The following MYT1 variants were observed in gnomAD, a reference collection of about 807,000 sequenced individuals.
MYT1 encodes the protein myelin transcription factor I.
A neutral mutation model predicts 123.0 loss-of-function variants in MYT1; 23 were observed. That is an observed-to-expected ratio of 0.19 (90% CI 0.13 to 0.26). The LOEUF (loss-of-function observed/expected upper bound fraction) is 0.26. MYT1 is among the 10% of genes least tolerant of loss of function. The pLI is 1.00. For missense variants in MYT1, 1,125 were observed against 1,472.5 expected (o/e 0.76, Z 3.86); for synonymous variants, 518 against 575.3 (o/e 0.90, Z 1.43).
At position 64,191,817 on chromosome 20, in the gene MYT1, GTTTA is replaced by G. The variant is rs1327219128; in HGVS notation, c.-1+1660_-1+1663del. On this transcript the variant is annotated intron_variant, in intron 2 of 22. Transcript: ENST00000328439. The surrounding 1 kb of genome is among the most constrained non-coding windows in gnomAD (Gnocchi z 4.1). ...TCTTTATTTAAGGTTTTGGTATCTT[GTTTA>G]TTAGGGGTTTTTTGCATCATGTTGA... 2 of 152,118 alleles carry G rather than the reference GTTTA, an allele frequency of 1.3e-5. No individual in the cohort carries two copies. The highest frequency in any genetic ancestry group is 2.9e-5 in the Non-Finnish European group (2 of 68,032). 9.4% of individuals were successfully genotyped at this position (152,118 alleles called of 1,614,324 possible). A position where few individuals can be genotyped will look rare whatever the true frequency, so the allele number is the denominator to read the frequency against.
chr20:64,193,870 T>G lies in MYT1; in HGVS notation c.-1+3710T>G, dbSNP rs567865473. ...GTAAGTCCATTCTAATTCTCCAGAT[T>G]TGCTGGCTGTCAGAACACATTTTAA... On this transcript the variant is annotated intron_variant, in intron 2 of 22. Transcript: ENST00000328439. This position sits in a 1 kb window ranked among gnomAD's most constrained non-coding sequence, Gnocchi z 4.0. 6.6e-6 allele frequency among the ~76,000 whole-genome samples: 1 copy of G among 152,144 alleles called. No individual in the cohort carries two copies. The highest frequency in any genetic ancestry group is 1.5e-5 in the Non-Finnish European group (1 of 68,026).
rs148867800 is a variant in MYT1, at chr20:64,190,813, A to G, written c.-1+653A>G. 0.051 allele frequency among the ~76,000 whole-genome samples: 7,766 copies of G among 151,652 alleles called. 245 individuals are homozygous for G. The highest frequency in any genetic ancestry group is 0.13 in the South Asian group (618 of 4,762). On this transcript the variant is annotated intron_variant, in intron 2 of 22. Coordinates refer to ENST00000328439, the MANE Select transcript of MYT1 (RefSeq NM_004535.3). The surrounding 1 kb of genome is among the most constrained non-coding windows in gnomAD (Gnocchi z 4.1). ...GTGAAACCCCGTCTTTACTAAAAAC[A>G]CAAAAATTAGCCGGGCATGGTGGCA...
In MYT1 at chr20:64,207,929, A is replaced by G; in HGVS notation, c.733A>G (p.Ser245Gly). The change falls in exon 7 of 23, where the codon AGT becomes GGT. Residue 245 changes from serine (S) to glycine (G), a missense_variant. Physicochemically the swap from Ser to Gly is moderately conservative, Grantham distance 56 (BLOSUM62 0). Transcript: ENST00000328439. ...LCPQSLEDAA[S>G]EESSKQKGIL... The stretch of plus-strand genomic sequence containing the variant: ...TCCCCAGTCCCTGGAGGATGCAGCC[A>G]GTGAGGAGTCCAGCAAGCAGAAAGG... The G allele has an allele frequency of 1.9e-6, 3 of 1,611,734 alleles. No homozygotes were observed. Among genetic ancestry groups the G allele is most frequent in the Non-Finnish European group, 2.5e-6 (3 of 1,179,290 alleles).
rs1051944836 is a variant in MYT1, at chr20:64,218,438, C to A, written c.1847-473C>A. Among the ~76,000 whole-genome samples the A allele has an allele frequency of 1.3e-5, 2 of 152,170 alleles. No homozygotes were observed. Among genetic ancestry groups the A allele is most frequent in the African/African-American group, 2.4e-5 (1 of 41,436 alleles). On this transcript the variant is annotated intron_variant, in intron 11 of 22. Transcript: ENST00000328439. This position sits in a 1 kb window ranked among gnomAD's most constrained non-coding sequence, Gnocchi z 4.0. Reference sequence around the variant, plus strand: ...CCAAGTCAGCCTAAATATGGGTACACCCTTTTGAGATCATGGGACAAAATT... The same window carrying A: ...CCAAGTCAGCCTAAATATGGGTACAACCTTTTGAGATCATGGGACAAAATT...
At chr20:64,223,429 C>G (rs769077932) in intron 16 of MYT1, 70 bp downstream of exon 16, 5 of 1,557,296 alleles carry the variant, frequency 3.2e-6, no homozygotes, top group Non-Finnish European at 3.5e-6. Flanking sequence ...CCATGAGGCT[C>G]CTGCCAAAAT....
Position 64,183,036 on chromosome 20 carries a change from G to A in MYT1, c.-98-7027G>A, listed in dbSNP as rs550139785. Among the ~76,000 whole-genome samples, 9 of 152,140 alleles carry A rather than the reference G, an allele frequency of 5.9e-5. No individual in the cohort carries two copies. The South Asian group carries it at 6.2e-4, about 11-fold the overall frequency. On this transcript the variant is annotated intron_variant, in intron 1 of 22. Coordinates refer to ENST00000328439, the MANE Select transcript of MYT1 (RefSeq NM_004535.3). ...AGAAACCCCATGCCCGTTCACAGTC[G>A]TTCTCCATTTTCTCCTCCACCAGTC...
Position 64,208,432 on chromosome 20 carries a change from G to A in MYT1, c.1236G>A (p.Glu412=). The A allele has an allele frequency of 6.2e-7, 1 of 1,613,044 alleles. No individual in the cohort carries two copies. Among genetic ancestry groups the A allele is most frequent in the Non-Finnish European group, 8.5e-7 (1 of 1,179,878 alleles). The change falls in exon 7 of 23, where the codon GAG becomes GAA. Residue 412 remains glutamate, a synonymous_variant. Transcript: ENST00000328439. This position sits in a 1 kb window ranked among gnomAD's most constrained non-coding sequence, Gnocchi z 5.4. ...AGCAGAGCCAGCTGGGCCTGGGAGA[G>A]CCAGGGAAGGCAGCAAAGCCCCTGG... ...PAEQSQLGLG[E]PGKAAKPLDT... is the part of the protein sequence containing the mutation.
chr20:64,178,727 A>T (rs1982548256), intron 1 of MYT1, among the ~76,000 whole-genome samples: 1 of 144,638 alleles, frequency 6.9e-6, no homozygotes, highest in Non-Finnish European at 1.5e-5. Flanking sequence ...CTGAGCCGTT[A>T]TTCGGTGAGA....
Position 64,168,974 on chromosome 20 carries a change from C to G in MYT1, c.-99+4235C>G, listed in dbSNP as rs1982163329. Among the ~76,000 whole-genome samples, 1 of 152,254 alleles carries G rather than the reference C, an allele frequency of 6.6e-6. No homozygotes were observed. Among genetic ancestry groups the G allele is most frequent in the African/African-American group, 2.4e-5 (1 of 41,470 alleles). On this transcript the variant is annotated intron_variant, in intron 1 of 22. Transcript: ENST00000328439. The surrounding 1 kb of genome is among the most constrained non-coding windows in gnomAD (Gnocchi z 6.1). ...CTTCACACCTCCATCGTGTTCAACA[C>G]TGGTCTGAGGGCTGGGGCAGAAGCC...
chr20:64,197,938 C>T (rs79752379), intron 2 of MYT1, among the ~76,000 whole-genome samples: 3,553 of 152,250 alleles, frequency 0.023, 146 homozygotes, highest in African/African-American at 0.082. Context: ...GGGCTGGGGC[C>T]GCTCCAGGTT....
Position 64,232,270 on chromosome 20 carries a change from T to A in MYT1, c.2782T>A (p.Ser928Thr). ...PLAARRQKEGSLNGSSFSWKS... is the reference protein window; with the variant it reads ...PLAARRQKEGTLNGSSFSWKS... ...GGCCGCCCGCAGGCAGAAGGAAGGG[T>A]CCCTCAATGGCTCGTCATTCTCCTG... Residue 928 changes from serine to threonine, a missense_variant, in exon 19 of 23, where the codon TCC becomes ACC. By Grantham distance (58) the Ser-to-Thr change is moderately conservative (BLOSUM62 1). This residue lies in a region of MYT1 where 243 missense variants were observed against 323.1 expected (regional missense o/e 0.75). Transcript: ENST00000328439. This position sits in a 1 kb window ranked among gnomAD's most constrained non-coding sequence, Gnocchi z 6.9. 1 of 1,612,870 alleles carries A rather than the reference T, an allele frequency of 6.2e-7. No homozygotes were observed. The highest frequency in any genetic ancestry group is 1.3e-5 in the African/African-American group (1 of 74,922).
At position 64,222,222 on chromosome 20, in the gene MYT1, C is replaced by T. The variant is rs562432759; in HGVS notation, c.2396+175C>T. ...GCCAGGGTATTCAGAGGTTTCCCAA[C>T]ACCTTTGTGTTGTGCTGGGCTTTAC... On this transcript the variant is annotated intron_variant, in intron 14 of 22. Coordinates refer to ENST00000328439, the MANE Select transcript of MYT1 (RefSeq NM_004535.3). Among the ~76,000 whole-genome samples, 30 of 152,334 alleles carry T rather than the reference C, an allele frequency of 2.0e-4. 1 individual carries two copies. Among genetic ancestry groups the T allele is most frequent in the Admixed American group, 1.6e-3 (24 of 15,308 alleles).
chr20:64,210,480 C>G (rs1461601288), intron 7 of MYT1, among the ~76,000 whole-genome samples: 1 of 152,244 alleles, frequency 6.6e-6, no homozygotes, highest in Non-Finnish European at 1.5e-5. Context: ...GGAAGTCTGA[C>G]TCCTTTGAAC....
chr20:64,197,121 C>T (rs1431976864), intron 2 of MYT1, among the ~76,000 whole-genome samples: 1 of 152,218 alleles, frequency 6.6e-6, no homozygotes, highest in Non-Finnish European at 1.5e-5. Context: ...TAGTAATTGT[C>T]TTCCGTTCTA....
At position 64,205,101 on chromosome 20, in the gene MYT1, A is replaced by AG. The variant is rs1160228449; in HGVS notation, c.149+5dup. The AG allele has an allele frequency of 2.5e-6, 4 of 1,613,882 alleles. No homozygotes were observed. Among genetic ancestry groups the AG allele is most frequent in the Non-Finnish European group, 3.4e-6 (4 of 1,180,006 alleles). On this transcript the variant is annotated splice_donor_region_variant and intron_variant, in intron 5 of 22. Transcript: ENST00000328439. The stretch of plus-strand genomic sequence containing the variant: ...GCAAGTACTCCAGGCACCGAAGGTA[A>AG]GAGGACCCTTGGATCTCACGGAGAT...
At chr20:64,188,144 A>G (rs907795624) in intron 1 of MYT1, among the ~76,000 whole-genome samples, 1 of 152,194 alleles carries the variant, frequency 6.6e-6, no homozygotes, top group African/African-American at 2.4e-5. Context: ...GTGGGTGGAG[A>G]AGCCCCAGTG....
At chr20:64,201,793 C>G (rs143329076) in intron 4 of MYT1, among the ~76,000 whole-genome samples, 1 of 152,190 alleles carries the variant, frequency 6.6e-6, no homozygotes, top group Non-Finnish European at 1.5e-5. Context: ...GCATGACCCA[C>G]GCAGAAAACG....
At chr20:64,180,104 T>C (rs575614012) in intron 1 of MYT1, among the ~76,000 whole-genome samples, 2 of 150,276 alleles carry the variant, frequency 1.3e-5, no homozygotes, top group African/African-American at 2.5e-5. Context: ...AGGTACATGC[T>C]ACACACACGC....
rs112515552 is a variant in MYT1 at position 64,236,472 on chromosome 20, T to G, written c.2898-83T>G. Reference sequence around the variant, plus strand: ...CGGGGCTGGCCGTGGTATGTGACCCTGGGCTGGCCGTGGTATGTGACCCTG... The same window carrying G: ...CGGGGCTGGCCGTGGTATGTGACCCGGGGCTGGCCGTGGTATGTGACCCTG... On this transcript the variant is annotated intron_variant, in intron 19 of 22. Transcript: ENST00000328439. 3.0e-4 allele frequency: 326 copies of G among 1,096,558 alleles called. 5 individuals are homozygous for G. The Admixed American group carries it at 3.3e-3, about 11-fold the overall frequency. The allele number at this position is 1,096,558 out of a possible 1,614,324, so 67.9% of individuals were successfully genotyped here. A position where few individuals can be genotyped will look rare whatever the true frequency, so the allele number is the denominator to read the frequency against.
Sources: gnomAD v4.1 joint callset for allele counts (sites outside exome capture counted in the v4.1 genomes callset) on GRCh38, gnomAD v4.1.1 for gene constraint, gnomAD v4.1.1 regional missense constraint, Gnocchi (gnomAD v3.1) non-coding constraint, MANE v1.5 for transcripts, NCBI Gene and HGNC (gene_info 2026-07-23, HGNC 2026-07-21) for gene names.